DRC11: variants seen among roughly 807,000 people sequenced by gnomAD.
DRC11 encodes the protein dynein regulatory complex subunit 11.
chr2:236,354,259 A>ATG, the DRC11 span, among the ~76,000 whole-genome samples: 8 of 151,196 alleles, frequency 5.3e-5, no homozygotes, highest in African/African-American at 2.0e-4. Flanking sequence ...TAGTGTGCAC[A>ATG]TGTGTGCGTG....
At chr2:236,344,410 G>C in the DRC11 span, 1 of 618,140 alleles carries the variant, frequency 1.6e-6, no homozygotes, top group East Asian at 2.8e-5. Flanking sequence ...AATACAGTTA[G>C]GGCAGACAGA....
At chr2:236,323,367 T>G in the DRC11 span, among the ~76,000 whole-genome samples, 4 of 152,256 alleles carry the variant, frequency 2.6e-5, no homozygotes, top group Middle Eastern at 6.8e-3. This position sits in a 1 kb window ranked among gnomAD's most constrained non-coding sequence, Gnocchi z 6.4. Flanking sequence ...CTGTGGAAAT[T>G]GGGGCACCTT....
the DRC11 span, among the ~76,000 whole-genome samples, chr2:236,506,025 G>C: frequency 6.6e-6 from 1 of 152,282 alleles, no homozygotes; most frequent in African/African-American, 2.4e-5. The surrounding 1 kb of genome is among the most constrained non-coding windows in gnomAD (Gnocchi z 4.9). Flanking sequence ...CACTGAATCA[G>C]CTCCTGTCAA....
At chr2:236,500,454 A>G in the DRC11 span, among the ~76,000 whole-genome samples, 2 of 152,042 alleles carry the variant, frequency 1.3e-5, no homozygotes, top group Non-Finnish European at 2.9e-5. This position sits in a 1 kb window ranked among gnomAD's most constrained non-coding sequence, Gnocchi z 6.3. Context: ...CGTAAAAACC[A>G]ACACTCTTCC....
chr2:236,400,307 C>A, the DRC11 span, among the ~76,000 whole-genome samples: 2 of 151,824 alleles, frequency 1.3e-5, no homozygotes, highest in Non-Finnish European at 2.9e-5. This position sits in a 1 kb window ranked among gnomAD's most constrained non-coding sequence, Gnocchi z 7.9. Context: ...CAGAGAGAGC[C>A]TGGCCACCAT....
the DRC11 span, among the ~76,000 whole-genome samples, chr2:236,309,941 C>T: frequency 6.6e-6 from 1 of 152,218 alleles, no homozygotes; most frequent in Non-Finnish European, 1.5e-5. This position sits in a 1 kb window ranked among gnomAD's most constrained non-coding sequence, Gnocchi z 5.7. Context: ...GAGGAGCAAT[C>T]TTGGTGAGAA....
the DRC11 span, among the ~76,000 whole-genome samples, chr2:236,350,297 A>C: frequency 1.3e-5 from 2 of 152,132 alleles, no homozygotes; most frequent in Non-Finnish European, 2.9e-5. This position sits in a 1 kb window ranked among gnomAD's most constrained non-coding sequence, Gnocchi z 5.2. Context: ...TTTAACACAC[A>C]CCTGTGAAGG....
the DRC11 span, chr2:236,392,179 T>C: frequency 4.0e-6 from 6 of 1,490,524 alleles, no homozygotes; most frequent in South Asian, 5.7e-5. The surrounding 1 kb of genome is among the most constrained non-coding windows in gnomAD (Gnocchi z 5.1). Flanking sequence ...TAGTAGGAAA[T>C]TGTAAAGAAG....
the DRC11 span, among the ~76,000 whole-genome samples, chr2:236,337,000 G>C: frequency 6.6e-6 from 1 of 152,138 alleles, no homozygotes; most frequent in African/African-American, 2.4e-5. The surrounding 1 kb of genome is among the most constrained non-coding windows in gnomAD (Gnocchi z 7.3). Flanking sequence ...CCCGTCGTGG[G>C]ACCCAGCTGC....
the DRC11 span, among the ~76,000 whole-genome samples, chr2:236,406,598 G>C: frequency 6.6e-6 from 1 of 152,300 alleles, no homozygotes; most frequent in East Asian, 1.9e-4. The surrounding 1 kb of genome is among the most constrained non-coding windows in gnomAD (Gnocchi z 4.7). Context: ...ACTGATCTGA[G>C]AGTGAAATAA....
chr2:236,503,509 A>G, the DRC11 span: 2 of 967,368 alleles, frequency 2.1e-6, no homozygotes, highest in East Asian at 2.6e-5. This position sits in a 1 kb window ranked among gnomAD's most constrained non-coding sequence, Gnocchi z 4.9. Flanking sequence ...GGGTCCTGCC[A>G]TTTCTTTCTT....
At chr2:236,309,557 C>A in the DRC11 span, among the ~76,000 whole-genome samples, 1 of 152,124 alleles carries the variant, frequency 6.6e-6, no homozygotes, top group Admixed American at 6.5e-5. The surrounding 1 kb of genome is among the most constrained non-coding windows in gnomAD (Gnocchi z 5.7). Flanking sequence ...AATATTTGTC[C>A]AACATTTACT....
At chr2:236,382,441 T>G in the DRC11 span, among the ~76,000 whole-genome samples, 2 of 152,218 alleles carry the variant, frequency 1.3e-5, no homozygotes, top group African/African-American at 4.8e-5. Context: ...TCCATTACCT[T>G]TCCATAAAAA....
At chr2:236,452,155 A>G in the DRC11 span, among the ~76,000 whole-genome samples, 1 of 152,234 alleles carries the variant, frequency 6.6e-6, no homozygotes, top group Non-Finnish European at 1.5e-5. This position sits in a 1 kb window ranked among gnomAD's most constrained non-coding sequence, Gnocchi z 4.7. Context: ...TCTTTCAGTT[A>G]GCAAATGTGA....
chr2:236,406,199 G>A, the DRC11 span, among the ~76,000 whole-genome samples: 35 of 152,336 alleles, frequency 2.3e-4, no homozygotes, highest in African/African-American at 8.2e-4. The surrounding 1 kb of genome is among the most constrained non-coding windows in gnomAD (Gnocchi z 4.7). Flanking sequence ...AAGAGGCTTT[G>A]TTATCAAAAT....
the DRC11 span, among the ~76,000 whole-genome samples, chr2:236,334,921 G>A: frequency 2.0e-4 from 31 of 152,102 alleles, no homozygotes; most frequent in Non-Finnish European, 4.4e-4. This position sits in a 1 kb window ranked among gnomAD's most constrained non-coding sequence, Gnocchi z 7.8. Flanking sequence ...GTGGAGAAAC[G>A]GAAGCCCGAA....
chr2:236,439,134 C>T, the DRC11 span, among the ~76,000 whole-genome samples: 4 of 150,222 alleles, frequency 2.7e-5, no homozygotes, highest in African/African-American at 9.8e-5. Flanking sequence ...CCAAAATTGA[C>T]ACCCTAACAT....
chr2:236,329,607 T>C, the DRC11 span, among the ~76,000 whole-genome samples: 2 of 152,160 alleles, frequency 1.3e-5, no homozygotes, highest in South Asian at 2.1e-4. Flanking sequence ...GAAGGAACCA[T>C]AGCAATGGTA....
At chr2:236,501,756 T>C in the DRC11 span, among the ~76,000 whole-genome samples, 1 of 152,190 alleles carries the variant, frequency 6.6e-6, no homozygotes, top group African/African-American at 2.4e-5. Flanking sequence ...CAAGTTGCTT[T>C]GTGAGCTTAA....
Sources: allele counts gnomAD v4.1 joint callset (sites outside exome capture counted in the v4.1 genomes callset), GRCh38; gene constraint gnomAD v4.1.1; non-coding constraint Gnocchi (gnomAD v3.1); transcripts MANE v1.5; gene names NCBI Gene and HGNC (gene_info 2026-07-23, HGNC 2026-07-21).